The following GNPNAT1 variants were observed in gnomAD, a reference collection of about 807,000 sequenced individuals.
The protein encoded by GNPNAT1 is glucosamine-phosphate N-acetyltransferase 1, also known as glucosamine 6-phosphate N-acetyltransferase.
In GNPNAT1, 11 loss-of-function variants were observed where a neutral mutation model predicts 19.8. The ratio of observed to expected loss-of-function variants is 0.56; its 90% CI spans 0.35 to 0.92. GNPNAT1 has a LOEUF of 0.92. Among genes scored for constraint, GNPNAT1 ranks in the 40% least tolerant of loss-of-function variants. The pLI, the probability that GNPNAT1 is intolerant of heterozygous loss-of-function variation, is 0.01. For synonymous variants in GNPNAT1, 71 were observed against 72.3 expected (o/e 0.98, Z 0.09); for missense variants, 157 against 211.0 (o/e 0.74, Z 1.59).
chr14:52,781,135 C>T (rs1882884484), intron 4 of GNPNAT1, among the ~76,000 whole-genome samples: 1 of 152,074 alleles, frequency 6.6e-6, no homozygotes, highest in South Asian at 2.1e-4. Context: ...GGCTATGTCC[C>T]CAACCTTCCC....
At position 52,790,659 on chromosome 14, in the gene GNPNAT1, C is replaced by A. The variant is rs565742801; in HGVS notation, c.-15+769G>T. On this transcript the variant is annotated intron_variant, in intron 1 of 5. Transcript: ENST00000216410. ...AGCTCGATTACCATCCTCAACAGAC[C>A]CCAATCTTTACATCATCATACCATA... 2.0e-5 allele frequency among the ~76,000 whole-genome samples: 3 copies of A among 152,202 alleles called. No homozygotes were observed. The East Asian group carries it at 5.8e-4, about 29-fold the overall frequency.
chr14:52,778,604 T>C (rs1566687154), intron 5 of GNPNAT1, 146 bp from the exon 6 acceptor site: 1 of 657,710 alleles, frequency 1.5e-6, no homozygotes, highest in South Asian at 2.2e-5. Flanking sequence ...TTCATGTAAG[T>C]TGATAAGCAT....
chr14:52,787,549 C>T (rs1273215672), intron 1 of GNPNAT1, among the ~76,000 whole-genome samples: 2 of 152,096 alleles, frequency 1.3e-5, no homozygotes, highest in East Asian at 2.0e-4. Flanking sequence ...ACAAAATTAG[C>T]GGAGCCAGGA....
rs555622591 is a variant in GNPNAT1, at chr14:52,780,644, A to G, written c.407+35T>C. On this transcript the variant is annotated intron_variant, in intron 5 of 5. Transcript: ENST00000216410. ...TGTTAAGAAACTAAATTGGAACAAA[A>G]TTTATCCAGGGTTACCTTGTTTCTG... 3.4e-4 allele frequency: 495 copies of G among 1,445,508 alleles called. 4 individuals are homozygous for G. The South Asian group carries it at 5.5e-3, about 16-fold the overall frequency. The allele number at this position is 1,445,508 out of a possible 1,614,324, so 89.5% of individuals were successfully genotyped here. A position where few individuals can be genotyped will look rare whatever the true frequency, so the allele number is the denominator to read the frequency against.
intron 1 of GNPNAT1, among the ~76,000 whole-genome samples, chr14:52,786,857 ATTTTTTTTTT>A (rs567085170): frequency 0.035 from 3,453 of 98,666 alleles, 58 homozygotes; most frequent in African/African-American, 0.041. Flanking sequence ...CAGGTTTTGG[ATTTTTTTTTT>A]TTTTTTTTTT....
chr14:52,790,020 G>T, intron 1 of GNPNAT1, among the ~76,000 whole-genome samples: 1 of 147,794 alleles, frequency 6.8e-6, no homozygotes, highest in Non-Finnish European at 1.5e-5. Flanking sequence ...TTCCCAAACT[G>T]CCACAATATC....
intron 2 of GNPNAT1, 150 bp from the exon 3 acceptor site, chr14:52,783,635 T>C: frequency 4.8e-6 from 3 of 618,934 alleles, no homozygotes; most frequent in South Asian, 4.3e-5. Context: ...GTGAACCCTA[T>C]TCTTCTATAA....
chr14:52,778,368 T>C lies in GNPNAT1; in HGVS notation c.498A>G (p.Lys166=). 1.2e-6 allele frequency: 2 copies of C among 1,606,968 alleles called. No individual in the cohort carries two copies. Among genetic ancestry groups the C allele is most frequent in the South Asian group, 1.1e-5 (1 of 90,276 alleles). The change falls in exon 6 of 6, where the codon AAA becomes AAG. Residue 166 remains lysine (K), a synonymous_variant. Coordinates refer to ENST00000216410, the MANE Select transcript of GNPNAT1 (RefSeq NM_198066.4). The part of the protein sequence containing the change: ...ECLPQNVGFY[K]KFGYTVSEEN... ...CTTCAGATACAGTATATCCAAACTT[T>C]TTATAGAAACCAACATTTTGTGGTA...
chr14:52,779,270 A>G (rs893839581), intron 5 of GNPNAT1, among the ~76,000 whole-genome samples: 2 of 152,226 alleles, frequency 1.3e-5, no homozygotes, highest in Non-Finnish European at 2.9e-5. Context: ...GTGGAAACAA[A>G]GCAAGTCTAC....
Position 52,788,326 on chromosome 14 carries a change from G to C in GNPNAT1, c.-15+3102C>G, listed in dbSNP as rs149437570. Among the ~76,000 whole-genome samples the C allele has an allele frequency of 2.6e-3, 403 of 152,180 alleles. 3 individuals are homozygous for C. The highest frequency in any genetic ancestry group is 8.9e-3 in the African/African-American group (371 of 41,512). On this transcript the variant is annotated intron_variant, in intron 1 of 5. Coordinates refer to ENST00000216410, the MANE Select transcript of GNPNAT1 (RefSeq NM_198066.4). ...TTTTTGTATTTTTAGTAGAGATGGG[G>C]CTTTGCCATGTTGGAAAGGCTGGTC...
In GNPNAT1 at chr14:52,780,822, ATAAGTAGTATATTTTGT is replaced by A. The variant is rs1882877518; in HGVS notation, c.346-99_346-83del. 3 of 802,268 alleles carry A rather than the reference ATAAGTAGTATATTTTGT, an allele frequency of 3.7e-6. No homozygotes were observed. In the South Asian group the frequency reaches 4.6e-5, roughly 12 times the overall value. 49.7% of individuals were successfully genotyped at this position (802,268 alleles called of 1,614,324 possible). ...ACGAGTTGGTAAGAATTTACTGATA[ATAAGTAGTATATTTTGT>A]AAACTTGAACTTAACAGAAATCAAA... On this transcript the variant is annotated intron_variant, in intron 4 of 5. Transcript: ENST00000216410.
Position 52,775,295 on chromosome 14 carries a change from A to G in GNPNAT1, c.*3016T>C, listed in dbSNP as rs1336548927. The G allele has an allele frequency of 2.0e-5, 3 of 152,084 alleles. No homozygotes were observed. The highest frequency in any genetic ancestry group is 2.0e-4 in the Admixed American group (3 of 15,266). The allele number at this position is 152,084 out of a possible 1,614,324, so 9.4% of individuals were successfully genotyped here. ...GGAAAGGGTAGGTCATCCACAGAACAGCTTTCAGTCATTACAAAAAAAAAA... is the reference window on the plus strand; with the variant it reads ...GGAAAGGGTAGGTCATCCACAGAACGGCTTTCAGTCATTACAAAAAAAAAA... On this transcript the variant is annotated 3_prime_UTR_variant, in exon 6 of 6. Coordinates refer to ENST00000216410, the MANE Select transcript of GNPNAT1 (RefSeq NM_198066.4).
chr14:52,786,171 T>C lies in GNPNAT1; in HGVS notation c.-14-1507A>G, dbSNP rs531751986. ...TACTTTACCTTGGCTATGCTAGATA[T>C]ACACTGCAGGATTTTGTTTTCACAG... On this transcript the variant is annotated intron_variant, in intron 1 of 5. Transcript: ENST00000216410. 4.2e-3 allele frequency among the ~76,000 whole-genome samples: 637 copies of C among 151,516 alleles called. 2 individuals carry two copies. The highest frequency in any genetic ancestry group is 5.5e-3 in the Admixed American group (84 of 15,194).
rs1566688530 is a variant in GNPNAT1 at position 52,783,420 on chromosome 14, TACTC to T, written c.216_217+2del. The T allele has an allele frequency of 1.3e-6, 2 of 1,587,974 alleles. No individual in the cohort carries two copies. Among genetic ancestry groups the T allele is most frequent in the Non-Finnish European group, 1.7e-6 (2 of 1,157,410 alleles). On this transcript the variant is annotated splice_donor_variant and coding_sequence_variant, in exon 3 of 6. Coordinates refer to ENST00000216410, the MANE Select transcript of GNPNAT1 (RefSeq NM_198066.4). LOFTEE classifies it high-confidence loss of function. The stretch of plus-strand genomic sequence containing the variant: ...TTCAGGAAAAAGAGGTTATAGTACT[TACTC>T]ATAAATTGTTCAGGGCTGACAACTC...
At chr14:52,781,057 A>G (rs904814888) in intron 4 of GNPNAT1, among the ~76,000 whole-genome samples, 1 of 152,178 alleles carries the variant, frequency 6.6e-6, no homozygotes, top group African/African-American at 2.4e-5. Context: ...TTAAAAGTTA[A>G]TAATTTAAAG....
intron 1 of GNPNAT1, among the ~76,000 whole-genome samples, chr14:52,789,438 C>T (rs1353600692): frequency 6.6e-6 from 1 of 152,178 alleles, no homozygotes; most frequent in Non-Finnish European, 1.5e-5. Context: ...AGTCAAAATA[C>T]ATTAAACAAA....
chr14:52,781,516 T>A (rs993452265), intron 4 of GNPNAT1, among the ~76,000 whole-genome samples: 4 of 152,122 alleles, frequency 2.6e-5, no homozygotes, highest in Admixed American at 2.6e-4. Context: ...TTGTTTTTTT[T>A]AAAAGAGTAA....
At position 52,777,704 on chromosome 14, in the gene GNPNAT1, T is replaced by G. The variant is rs559869004; in HGVS notation, c.*607A>C. On this transcript the variant is annotated 3_prime_UTR_variant, in exon 6 of 6. Coordinates refer to ENST00000216410, the MANE Select transcript of GNPNAT1 (RefSeq NM_198066.4). Reference sequence around the variant, plus strand: ...TACTATATAAACTTTCAGTAAAACATTTAAATTGTTTTACTTTTAATCTTG... The same window carrying G: ...TACTATATAAACTTTCAGTAAAACAGTTAAATTGTTTTACTTTTAATCTTG... The G allele has an allele frequency of 6.6e-6, 1 of 152,186 alleles. No individual in the cohort carries two copies. Among genetic ancestry groups the G allele is most frequent in the Non-Finnish European group, 1.5e-5 (1 of 68,014 alleles). The allele number at this position is 152,186 out of a possible 1,614,324, so 9.4% of individuals were successfully genotyped here.
At position 52,783,947 on chromosome 14, in the gene GNPNAT1, A is replaced by G. The variant is rs958182202; in HGVS notation, c.155-462T>C. ...GTGAATTTCATTAGTGTTACCGGAA[A>G]TTGATGTGAACAGTGCACCTGGAAT... On this transcript the variant is annotated intron_variant, in intron 2 of 5. Coordinates refer to ENST00000216410, the MANE Select transcript of GNPNAT1 (RefSeq NM_198066.4). Among the ~76,000 whole-genome samples, 5 of 152,158 alleles carry G rather than the reference A, an allele frequency of 3.3e-5. No individual in the cohort carries two copies. In the East Asian group the frequency reaches 9.6e-4, roughly 29 times the overall value.
Sources: gnomAD v4.1 joint callset for allele counts (sites outside exome capture counted in the v4.1 genomes callset) on GRCh38, gnomAD v4.1.1 for gene constraint, MANE v1.5 for transcripts, NCBI Gene and HGNC (gene_info 2026-07-23, HGNC 2026-07-21) for gene names.